Variants in PCDH7 observed in about 807,000 individuals in gnomAD.
PCDH7 encodes the protein protocadherin 7, also known as protocadherin-7.
Under a neutral mutation model 58.9 loss-of-function variants are expected in PCDH7, and 17 were observed. The ratio of observed to expected loss-of-function variants is 0.29; its 90% CI spans 0.20 to 0.43. PCDH7 has a LOEUF of 0.43. Ranked by LOEUF, PCDH7 falls within the 20% of genes least tolerant of loss-of-function variation. The pLI, the probability that PCDH7 is intolerant of heterozygous loss-of-function variation, is 1.00. For synonymous variants in PCDH7, 664 were observed against 616.4 expected (o/e 1.08, Z -1.14); for missense variants, 1,274 against 1,441.0 (o/e 0.88, Z 1.88).
At chr4:30,799,443 AG>A (rs1725238635) in intron 1 of PCDH7, among the ~76,000 whole-genome samples, 1 of 152,226 alleles carries the variant, frequency 6.6e-6, no homozygotes, top group Non-Finnish European at 1.5e-5. Flanking sequence ...TATGCAAAGT[AG>A]TTAACCCATG....
At chr4:31,014,136 A>G (rs529983843) in intron 3 of PCDH7, among the ~76,000 whole-genome samples, 9 of 152,122 alleles carry the variant, frequency 5.9e-5, no homozygotes, top group Non-Finnish European at 1.3e-4. Flanking sequence ...AGAAGTTTGC[A>G]TTGCTATAGA....
At chr4:30,982,808 G>C (rs777281320) in intron 3 of PCDH7, among the ~76,000 whole-genome samples, 1 of 152,030 alleles carries the variant, frequency 6.6e-6, no homozygotes, top group Admixed American at 6.6e-5. Context: ...TATCCAGAAC[G>C]GGAAGAACAC....
chr4:30,750,665 A>G (rs1718391012), intron 1 of PCDH7, among the ~76,000 whole-genome samples: 1 of 152,130 alleles, frequency 6.6e-6, no homozygotes, highest in Non-Finnish European at 1.5e-5. Flanking sequence ...TTTCTACTGT[A>G]TGCCCTTATC....
chr4:30,765,418 G>A (rs1256810842), intron 1 of PCDH7, among the ~76,000 whole-genome samples: 2 of 151,960 alleles, frequency 1.3e-5, no homozygotes, highest in South Asian at 2.1e-4. Flanking sequence ...TCTGGAATGC[G>A]TGTTTTAGTA....
At chr4:30,926,309 A>G (rs1035984467) in intron 2 of PCDH7, among the ~76,000 whole-genome samples, 15 of 151,366 alleles carry the variant, frequency 9.9e-5, no homozygotes, top group African/African-American at 3.2e-4. Flanking sequence ...CTCAGCCTCC[A>G]GAGTAGCTGG....
rs149873553 is a variant in PCDH7, at chr4:30,765,768, T to A, written c.70+41172T>A. ...TGTGCAGGTGGGAAGAAGGGAGAGC[T>A]GTTTTAATAGCTGAGAGAATTGAAG... On this transcript the variant is annotated intron_variant, in intron 1 of 3. Transcript: ENST00000509759. Among the ~76,000 whole-genome samples, 698 of 152,244 alleles carry A rather than the reference T, an allele frequency of 4.6e-3. 5 individuals carry two copies. Among genetic ancestry groups the A allele is most frequent in the African/African-American group, 0.016 (660 of 41,546 alleles).
chr4:31,091,726 C>A (rs999916936), intron 3 of PCDH7, among the ~76,000 whole-genome samples: 57 of 151,998 alleles, frequency 3.8e-4, no homozygotes, highest in African/African-American at 1.3e-3. Flanking sequence ...TGAACCAAAG[C>A]ATAATATGTA....
chr4:30,765,111 T>G (rs996011414), intron 1 of PCDH7, among the ~76,000 whole-genome samples: 16 of 139,792 alleles, frequency 1.1e-4, no homozygotes, highest in Non-Finnish European at 2.3e-4. Flanking sequence ...GAAAGAGAGA[T>G]AGGACTTCAG....
chr4:31,077,879 C>A (rs1431520671), intron 3 of PCDH7, among the ~76,000 whole-genome samples: 4 of 152,018 alleles, frequency 2.6e-5, no homozygotes, highest in African/African-American at 7.3e-5. Context: ...TCTAGAGAAT[C>A]AAAGAGGAGA....
chr4:30,831,121 C>T (rs1729724058), intron 1 of PCDH7, among the ~76,000 whole-genome samples: 1 of 152,118 alleles, frequency 6.6e-6, no homozygotes, highest in African/African-American at 2.4e-5. Context: ...CCAGGCACTG[C>T]TATCTCTGCA....
At chr4:30,871,440 A>G (rs1276968631) in intron 1 of PCDH7, among the ~76,000 whole-genome samples, 2 of 152,002 alleles carry the variant, frequency 1.3e-5, no homozygotes, top group African/African-American at 4.8e-5. Context: ...CACTTTGCCC[A>G]TTTTGCTTCC....
intron 3 of PCDH7, among the ~76,000 whole-genome samples, chr4:31,122,136 T>C (rs1248712894): frequency 3.8e-4 from 58 of 152,250 alleles, no homozygotes; most frequent in Non-Finnish European, 2.8e-4. Flanking sequence ...ATGAATAATA[T>C]ATAACTCATC....
chr4:31,016,160 A>G (rs1036844057), intron 3 of PCDH7, among the ~76,000 whole-genome samples: 1 of 152,224 alleles, frequency 6.6e-6, no homozygotes, highest in Non-Finnish European at 1.5e-5. Flanking sequence ...AGTAACAGCT[A>G]TTAATGACCA....
intron 1 of PCDH7, among the ~76,000 whole-genome samples, chr4:30,834,089 A>G (rs1260424141): frequency 6.6e-6 from 1 of 152,138 alleles, no homozygotes; most frequent in Non-Finnish European, 1.5e-5. Flanking sequence ...AAGCTCTTTG[A>G]TAACAAAAGC....
At chr4:30,752,026 A>G (rs2109259158) in intron 1 of PCDH7, among the ~76,000 whole-genome samples, 1 of 152,344 alleles carries the variant, frequency 6.6e-6, no homozygotes, top group Non-Finnish European at 1.5e-5. Context: ...TAAAAAACTA[A>G]AAGAGCATGA....
intron 1 of PCDH7, among the ~76,000 whole-genome samples, chr4:30,876,536 T>G (rs1188694087): frequency 6.6e-6 from 1 of 152,092 alleles, no homozygotes; most frequent in Non-Finnish European, 1.5e-5. Context: ...TTTGTTATAA[T>G]ACTGTACATT....
chr4:30,997,710 G>A (rs376013225), intron 3 of PCDH7, among the ~76,000 whole-genome samples: 148 of 152,206 alleles, frequency 9.7e-4, no homozygotes, highest in African/African-American at 3.4e-3. Context: ...GTACAGTTTG[G>A]CATTAGCATA....
At chr4:30,810,161 A>G (rs1024337639) in intron 1 of PCDH7, among the ~76,000 whole-genome samples, 2 of 152,198 alleles carry the variant, frequency 1.3e-5, no homozygotes, top group East Asian at 3.8e-4. Context: ...CGTATGTTCC[A>G]TTAGCACAGA....
At position 30,722,014 on chromosome 4, in the gene PCDH7, G is replaced by A; in HGVS notation, c.592G>A (p.Ala198Thr). ...CGGCAGCGGCGGCGAGAGCCGGCGCGCCGGGGCGGCCGACAGCGCCCCCTA... is the reference window on the plus strand; with the variant it reads ...CGGCAGCGGCGGCGAGAGCCGGCGCACCGGGGCGGCCGACAGCGCCCCCTA... The change falls in exon 1 of 2, where the codon GCC becomes ACC. Residue 198 changes from alanine (A) to threonine (T), a missense_variant. Around this residue, in one of 3 missense-constraint regions of PCDH7, gnomAD observed 331 missense variants for 303.2 expected, o/e 1.09. Transcript: ENST00000361762. The surrounding 1 kb of genome is among the most constrained non-coding windows in gnomAD (Gnocchi z 7.6). 2 of 1,260,052 alleles carry A rather than the reference G, an allele frequency of 1.6e-6. No individual in the cohort carries two copies. The highest frequency in any genetic ancestry group is 2.0e-6 in the Non-Finnish European group (2 of 1,005,962). 78.1% of individuals were successfully genotyped at this position (1,260,052 alleles called of 1,614,324 possible).
Sources: allele counts gnomAD v4.1 joint callset (sites outside exome capture counted in the v4.1 genomes callset), GRCh38; gene constraint gnomAD v4.1.1; regional missense constraint gnomAD v4.1.1; non-coding constraint Gnocchi (gnomAD v3.1); transcripts MANE v1.5; gene names NCBI Gene and HGNC (gene_info 2026-07-23, HGNC 2026-07-21).